Variants in ST8SIA2 observed in about 807,000 individuals in gnomAD.
The protein encoded by ST8SIA2 is alpha-2,8-sialyltransferase 8B.
In ST8SIA2, 22 loss-of-function variants were observed where a neutral mutation model predicts 37.6. The observed-to-expected ratio is 0.58, with a 90% CI of 0.42 to 0.83. The LOEUF is 0.83. ST8SIA2 is among the 40% of genes least tolerant of loss of function. The pLI is 0.00. For synonymous variants in ST8SIA2, 205 were observed against 201.2 expected, an observed-to-expected ratio of 1.02 and a Z score of -0.16; for missense variants, 382 against 484.7, an observed-to-expected ratio of 0.79 and a Z score of 1.99.
intron 5 of ST8SIA2, among the ~76,000 whole-genome samples, chr15:92,463,826 C>T (rs189906144): frequency 5.3e-5 from 8 of 152,312 alleles, no homozygotes; most frequent in Non-Finnish European, 1.2e-4. Flanking sequence ...CCATTTTTCA[C>T]CTCAGAGCCC....
At chr15:92,395,666 G>A (rs944572040) in intron 1 of ST8SIA2, among the ~76,000 whole-genome samples, 5 of 152,190 alleles carry the variant, frequency 3.3e-5, no homozygotes, top group African/African-American at 7.2e-5. Flanking sequence ...CCTCAGAAAC[G>A]TGGATTGGAA....
At chr15:92,416,663 G>A (rs916488000) in intron 1 of ST8SIA2, among the ~76,000 whole-genome samples, 2 of 152,122 alleles carry the variant, frequency 1.3e-5, no homozygotes, top group Non-Finnish European at 2.9e-5. Context: ...CAGGAGACAT[G>A]GGGACATACT....
intron 1 of ST8SIA2, among the ~76,000 whole-genome samples, chr15:92,423,877 A>C (rs922312006): frequency 6.6e-6 from 1 of 152,204 alleles, no homozygotes; most frequent in Admixed American, 6.5e-5. Flanking sequence ...CGATTTTAAA[A>C]ATTGGGATTC....
At chr15:92,445,877 T>C (rs1275339614) in intron 5 of ST8SIA2, among the ~76,000 whole-genome samples, 1 of 152,202 alleles carries the variant, frequency 6.6e-6, no homozygotes, top group Non-Finnish European at 1.5e-5. Context: ...ATCTCCTCCT[T>C]GTTTCCTCCC....
chr15:92,430,163 A>G (rs371661642), intron 2 of ST8SIA2, 52 bp downstream of exon 2: 2 of 1,549,802 alleles, frequency 1.3e-6, no homozygotes, highest in Non-Finnish European at 1.8e-6. Flanking sequence ...GGCAGCTATT[A>G]ATCTGCTTCT....
chr15:92,417,579 T>C (rs1273047340), intron 1 of ST8SIA2: 1 of 152,198 alleles, frequency 6.6e-6, no homozygotes, highest in African/African-American at 2.4e-5. Flanking sequence ...GTTCTGCTTC[T>C]CTTTAAAGAG....
intron 5 of ST8SIA2, among the ~76,000 whole-genome samples, chr15:92,445,623 A>G (rs1237009314): frequency 6.6e-6 from 1 of 152,192 alleles, no homozygotes; most frequent in African/African-American, 2.4e-5. Context: ...CCTAGGCAAT[A>G]TGAAAGAGAT....
chr15:92,437,307 G>A lies in ST8SIA2; in HGVS notation c.291-1046G>A, dbSNP rs144559938. 2.2e-3 allele frequency among the ~76,000 whole-genome samples: 340 copies of A among 152,280 alleles called. 5 individuals carry two copies. Among genetic ancestry groups the A allele is most frequent in the African/African-American group, 7.8e-3 (324 of 41,558 alleles). ...TCAGGTGATTTAAACAGTTCTTTAA[G>A]TAAAACGCCCAGCTAGGATTTTCAG... On this transcript the variant is annotated intron_variant, in intron 3 of 5. Coordinates refer to ENST00000268164, the MANE Select transcript of ST8SIA2 (RefSeq NM_006011.4).
chr15:92,415,553 G>A (rs947007056), intron 1 of ST8SIA2, among the ~76,000 whole-genome samples: 1 of 151,814 alleles, frequency 6.6e-6, no homozygotes, highest in Non-Finnish European at 1.5e-5. Context: ...GAAAAATGTA[G>A]CATATACACC....
At position 92,430,110 on chromosome 15, in the gene ST8SIA2, A is replaced by T. The variant is rs1452509459; in HGVS notation, c.160A>T (p.Arg54Ter). ...AVNSLHSKSN[R>*]AEVVINGSSS... The stretch of plus-strand genomic sequence containing the variant: ...GAACAGCTTACATAGCAAATCTAAT[A>T]GGTTTGTAAATTAGATTTTGTGTTC... Residue 54 changes from arginine to a stop codon, truncating the protein, a stop_gained and splice_region_variant, in exon 2 of 6, where the codon AGA becomes TGA. Coordinates refer to ENST00000268164, the MANE Select transcript of ST8SIA2 (RefSeq NM_006011.4). LOFTEE classifies it high-confidence loss of function. 1 of 1,613,556 alleles carries T rather than the reference A, an allele frequency of 6.2e-7. No homozygotes were observed.
At chr15:92,431,826 C>T (rs2049717884) in intron 2 of ST8SIA2, among the ~76,000 whole-genome samples, 1 of 152,156 alleles carries the variant, frequency 6.6e-6, no homozygotes, top group African/African-American at 2.4e-5. Context: ...AGGTAGACTG[C>T]AACTGAGCCA....
chr15:92,403,935 C>T (rs1044291204), intron 1 of ST8SIA2, among the ~76,000 whole-genome samples: 4 of 152,132 alleles, frequency 2.6e-5, no homozygotes, highest in Admixed American at 1.3e-4. Context: ...CCTCTTAGGC[C>T]GGCTGGACAC....
intron 1 of ST8SIA2, among the ~76,000 whole-genome samples, chr15:92,404,869 A>G (rs539792563): frequency 6.6e-6 from 1 of 152,056 alleles, no homozygotes; most frequent in African/African-American, 2.4e-5. Flanking sequence ...CAGGGACTCA[A>G]ACAGATATTT....
At chr15:92,462,676 G>T (rs2141853802) in intron 5 of ST8SIA2, among the ~76,000 whole-genome samples, 1 of 152,330 alleles carries the variant, frequency 6.6e-6, no homozygotes, top group South Asian at 2.1e-4. Context: ...CTTCACTTTA[G>T]TTAGGGAGGG....
chr15:92,439,084 A>G (rs2049782044), intron 4 of ST8SIA2, among the ~76,000 whole-genome samples: 1 of 152,240 alleles, frequency 6.6e-6, no homozygotes, highest in Non-Finnish European at 1.5e-5. Flanking sequence ...TATCACCTGC[A>G]AAGCCAAAAA....
chr15:92,425,814 C>T (rs1347221949), intron 1 of ST8SIA2, among the ~76,000 whole-genome samples: 1 of 152,058 alleles, frequency 6.6e-6, no homozygotes, highest in Non-Finnish European at 1.5e-5. Flanking sequence ...AGGGGAATAC[C>T]TGGCCCTACA....
At chr15:92,408,946 C>T (rs552279652) in intron 1 of ST8SIA2, among the ~76,000 whole-genome samples, 51 of 152,194 alleles carry the variant, frequency 3.4e-4, no homozygotes, top group African/African-American at 8.7e-4. Context: ...CCTCATGATC[C>T]GCCCGCCTTG....
chr15:92,395,742 T>C (rs950653258), intron 1 of ST8SIA2, among the ~76,000 whole-genome samples: 2 of 152,204 alleles, frequency 1.3e-5, no homozygotes, highest in Admixed American at 6.5e-5. Flanking sequence ...TCCTCTAGGC[T>C]CTCCGGCTTC....
intron 4 of ST8SIA2, 47 bp downstream of exon 4, chr15:92,438,657 TG>T (rs745611196): frequency 6.5e-7 from 1 of 1,535,682 alleles, no homozygotes; most frequent in East Asian, 2.3e-5. Flanking sequence ...GCGGGCAGGC[TG>T]TGTTTCAGTG....
Sources: gnomAD v4.1 joint callset for allele counts (sites outside exome capture counted in the v4.1 genomes callset) on GRCh38, gnomAD v4.1.1 for gene constraint, MANE v1.5 for transcripts, NCBI Gene and HGNC (gene_info 2026-07-23, HGNC 2026-07-21) for gene names.